The following EEF2K variants were observed in gnomAD, a reference collection of about 807,000 sequenced individuals.
EEF2K encodes eukaryotic elongation factor 2 kinase, also known as alternative protein EEF2K.
EEF2K carries 70 observed loss-of-function variants against 93.8 expected under a neutral mutation model. That is an observed-to-expected ratio of 0.75 (90% CI 0.62 to 0.91). The LOEUF is 0.91. Ranked by LOEUF, EEF2K falls within the 40% of genes least tolerant of loss-of-function variation. EEF2K has a pLI of 0.00. For synonymous variants in EEF2K, 376 were observed against 380.8 expected (o/e 0.99, Z 0.15); for missense variants, 935 against 972.9 (o/e 0.96, Z 0.52).
chr16:22,217,228 TAGAGAG>T lies in EEF2K; in HGVS notation c.-76-8410_-76-8405del, dbSNP rs146522060. On this transcript the variant is annotated intron_variant, in intron 1 of 17. Transcript: ENST00000263026. ...TTAGTGATATATATAGATAGATAGA[TAGAGAG>T]AGAGAGAGAGAGAGATGCGAAGGAT... is the stretch of plus-strand genomic sequence containing the variant. 9.6e-5 allele frequency among the ~76,000 whole-genome samples: 13 copies of T among 136,098 alleles called. 1 individual carries two copies. The highest frequency in any genetic ancestry group is 7.8e-3 in the Middle Eastern group (2 of 258). 89.3% of individuals were successfully genotyped at this position (136,098 alleles called of 152,430 possible).
chr16:22,255,620 A>C (rs959193905), intron 6 of EEF2K, among the ~76,000 whole-genome samples: 2 of 152,196 alleles, frequency 1.3e-5, no homozygotes, highest in Non-Finnish European at 2.9e-5. Flanking sequence ...AGAGCTGAGC[A>C]CAGTGGCTGC....
At position 22,287,900 on chromosome 16, in the gene EEF2K, T is replaced by C. The variant is rs2047766048; in HGVS notation, c.*3904T>C. 6.6e-6 allele frequency: 1 copy of C among 152,152 alleles called. No individual in the cohort carries two copies. The highest frequency in any genetic ancestry group is 2.4e-5 in the African/African-American group (1 of 41,428). The allele number at this position is 152,152 out of a possible 1,614,324, so 9.4% of individuals were successfully genotyped here. ...GCAGTGGCATGATCATAACTCATTGTAGGCTCAACCTCCTGGGCCCCAGTG... is the reference window on the plus strand; with the variant it reads ...GCAGTGGCATGATCATAACTCATTGCAGGCTCAACCTCCTGGGCCCCAGTG... On this transcript the variant is annotated 3_prime_UTR_variant, in exon 18 of 18. Transcript: ENST00000263026.
intron 15 of EEF2K, among the ~76,000 whole-genome samples, chr16:22,272,394 C>T (rs1030254618): frequency 6.6e-6 from 1 of 152,226 alleles, no homozygotes; most frequent in Non-Finnish European, 1.5e-5. Flanking sequence ...ACAGATGGAC[C>T]GTGAAAGCAC....
intron 16 of EEF2K, among the ~76,000 whole-genome samples, chr16:22,277,076 C>CAA (rs2047644848): frequency 6.6e-6 from 1 of 152,088 alleles, no homozygotes; most frequent in African/African-American, 2.4e-5. Context: ...AAAACAAAAA[C>CAA]AAAAGTTTGT....
chr16:22,223,750 T>C (rs1438314138), intron 1 of EEF2K, among the ~76,000 whole-genome samples: 2 of 152,240 alleles, frequency 1.3e-5, no homozygotes, highest in Non-Finnish European at 2.9e-5. Flanking sequence ...GAACTCTTTC[T>C]TGATTATTTT....
intron 10 of EEF2K, among the ~76,000 whole-genome samples, chr16:22,259,259 C>T (rs2047439235): frequency 6.6e-6 from 1 of 152,168 alleles, no homozygotes; most frequent in African/African-American, 2.4e-5. Flanking sequence ...GCAAGACTGA[C>T]CCCAGGGTAT....
chr16:22,207,955 A>G (rs2046879583), intron 1 of EEF2K, among the ~76,000 whole-genome samples: 2 of 152,182 alleles, frequency 1.3e-5, no homozygotes, highest in South Asian at 4.1e-4. Context: ...GAGATGGCGT[A>G]TGCAGGTGTC....
chr16:22,264,155 A>G (rs2047493468), intron 12 of EEF2K, among the ~76,000 whole-genome samples: 1 of 151,852 alleles, frequency 6.6e-6, no homozygotes, highest in African/African-American at 2.4e-5. Flanking sequence ...AGCCGGGTGC[A>G]GTGGTGCACT....
intron 2 of EEF2K, among the ~76,000 whole-genome samples, chr16:22,231,753 A>T (rs1385942242): frequency 6.6e-6 from 1 of 151,800 alleles, no homozygotes; most frequent in Non-Finnish European, 1.5e-5. Context: ...GCACTTTGGG[A>T]GGCTGGGGCA....
intron 6 of EEF2K, among the ~76,000 whole-genome samples, chr16:22,254,950 A>G (rs1274143339): frequency 6.6e-6 from 1 of 152,176 alleles, no homozygotes; most frequent in Non-Finnish European, 1.5e-5. Flanking sequence ...GGGTGCCTGT[A>G]GTCCCAGCTA....
At chr16:22,261,552 T>C (rs1206521605) in intron 11 of EEF2K, among the ~76,000 whole-genome samples, 1 of 151,640 alleles carries the variant, frequency 6.6e-6, no homozygotes, top group African/African-American at 2.4e-5. Context: ...TAGCCGAGTA[T>C]GGTGGCAGTT....
intron 17 of EEF2K, among the ~76,000 whole-genome samples, chr16:22,283,227 T>A (rs2047713171): frequency 6.7e-6 from 1 of 148,772 alleles, no homozygotes; most frequent in Admixed American, 6.9e-5. Flanking sequence ...GAGAATCGCT[T>A]GAACCCCAGA....
At position 22,273,944 on chromosome 16, in the gene EEF2K, A is replaced by G. The variant is rs542821876; in HGVS notation, c.1889+194A>G. ...AACTGGGAGTAATTATAGCACCTGT[A>G]TCCTGGGGTTGTCCCATGAAGGGTA... On this transcript the variant is annotated intron_variant, in intron 16 of 17. Coordinates refer to ENST00000263026, the MANE Select transcript of EEF2K (RefSeq NM_013302.5). Among the ~76,000 whole-genome samples, 137 of 152,300 alleles carry G rather than the reference A, an allele frequency of 9.0e-4. 1 individual carries two copies. Among genetic ancestry groups the G allele is most frequent in the Admixed American group, 3.5e-3 (54 of 15,290 alleles).
At chr16:22,273,558 G>A in intron 15 of EEF2K, 68 bp from the exon 16 acceptor site, 2 of 1,583,500 alleles carry the variant, frequency 1.3e-6, no homozygotes, top group East Asian at 4.5e-5. Flanking sequence ...TGAGTAGTGA[G>A]ATCTTGGCAG....
At chr16:22,246,042 A>C (rs1045331449) in intron 3 of EEF2K, among the ~76,000 whole-genome samples, 2 of 152,156 alleles carry the variant, frequency 1.3e-5, no homozygotes, top group Non-Finnish European at 2.9e-5. Flanking sequence ...TCAGTCCTAC[A>C]AGACCGTCCC....
At chr16:22,278,638 C>A (rs1045546670) in intron 16 of EEF2K, among the ~76,000 whole-genome samples, 4 of 152,150 alleles carry the variant, frequency 2.6e-5, no homozygotes, top group Non-Finnish European at 5.9e-5. Flanking sequence ...AGTCATCAGA[C>A]CTATTGCTTC....
Position 22,225,650 on chromosome 16 carries a change from G to C in EEF2K, c.-76-4G>C. ...CCACTCTCTGGCCCTTGCTTTCCTT[G>C]TAGGACCTTCGCCTCTGCATTTGTC... is the stretch of plus-strand genomic sequence containing the variant. On this transcript the variant is annotated splice_region_variant and splice_polypyrimidine_tract_variant and intron_variant, in intron 1 of 17. Transcript: ENST00000263026. The C allele has an allele frequency of 6.4e-7, 1 of 1,558,668 alleles. No individual in the cohort carries two copies. The highest frequency in any genetic ancestry group is 8.7e-7 in the Non-Finnish European group (1 of 1,153,396).
At position 22,260,528 on chromosome 16, in the gene EEF2K, G is replaced by T. The variant is rs200367551; in HGVS notation, c.1298G>T (p.Arg433Leu). The change falls in exon 11 of 18, where the codon CGG becomes CTG. Residue 433 changes from arginine (R) to leucine (L), a missense_variant and splice_region_variant. Arg to Leu is a moderately radical substitution (Grantham distance 102). Coordinates refer to ENST00000263026, the MANE Select transcript of EEF2K (RefSeq NM_013302.5). ...SRDHDHLDNH[R>L]ESENSGDSGY... ...GACCATGATCATCTAGACAACCACCGGGTGAGTGTGAAGGGAGGGAGGCTG... is the reference window on the plus strand; with the variant it reads ...GACCATGATCATCTAGACAACCACCTGGTGAGTGTGAAGGGAGGGAGGCTG... 81 of 1,613,978 alleles carry T rather than the reference G, an allele frequency of 5.0e-5. No homozygotes were observed. Among genetic ancestry groups the T allele is most frequent in the Non-Finnish European group, 6.4e-5 (76 of 1,180,020 alleles).
intron 2 of EEF2K, among the ~76,000 whole-genome samples, chr16:22,238,467 G>A (rs1193426614): frequency 6.6e-6 from 1 of 151,832 alleles, no homozygotes; most frequent in African/African-American, 2.4e-5. Flanking sequence ...TAGAGAGACT[G>A]TCATCTCTAC....
Sources: gnomAD v4.1 joint callset for allele counts (sites outside exome capture counted in the v4.1 genomes callset) on GRCh38, gnomAD v4.1.1 for gene constraint, MANE v1.5 for transcripts, NCBI Gene and HGNC (gene_info 2026-07-23, HGNC 2026-07-21) for gene names.